CCDC141: variants seen among roughly 807,000 people sequenced by gnomAD.
CCDC141 encodes the protein coiled-coil domain containing 141, also known as coiled-coil domain-containing protein 141.
CCDC141 carries 168 observed loss-of-function variants against 181.0 expected under a neutral mutation model. That is an observed-to-expected ratio of 0.93 (90% CI 0.82 to 1.05). The LOEUF is 1.05. CCDC141 is among the 50% of genes least tolerant of loss of function. The pLI is 0.00. For synonymous variants in CCDC141, 666 were observed against 642.3 expected (o/e 1.04, Z -0.56); for missense variants, 1,902 against 1,788.5 (o/e 1.06, Z -1.14).
At chr2:178,873,836 C>T (rs1433252090) in intron 12 of CCDC141, 3 of 152,138 alleles carry the variant, frequency 2.0e-5, no homozygotes, top group Admixed American at 2.0e-4. Context: ...ATTCATGCAC[C>T]ATGAATGGTT....
intron 2 of CCDC141, among the ~76,000 whole-genome samples, chr2:178,992,447 G>A (rs1575318353): frequency 7.0e-6 from 1 of 141,876 alleles, no homozygotes; most frequent in East Asian, 2.0e-4. Context: ...TATTCTTCTT[G>A]AACAGTCCTT....
intron 2 of CCDC141, among the ~76,000 whole-genome samples, chr2:179,002,936 G>T (rs1160275209): frequency 6.6e-6 from 1 of 152,058 alleles, no homozygotes; most frequent in Non-Finnish European, 1.5e-5. Context: ...TTCTTTTTGT[G>T]AACTCAAAAT....
the CCDC141 span, among the ~76,000 whole-genome samples, chr2:178,820,754 A>G: frequency 1.3e-5 from 2 of 152,206 alleles, no homozygotes; most frequent in Non-Finnish European, 2.9e-5. Context: ...TAATAGAAAA[A>G]TAATTTGACT....
intron 2 of CCDC141, among the ~76,000 whole-genome samples, chr2:179,040,533 C>T (rs930640830): frequency 6.6e-6 from 1 of 152,122 alleles, no homozygotes; most frequent in Non-Finnish European, 1.5e-5. Flanking sequence ...CTCCCTCCTC[C>T]CACCTCCCAC....
intron 17 of CCDC141, among the ~76,000 whole-genome samples, chr2:178,864,803 A>G (rs1460392203): frequency 1.3e-5 from 2 of 152,224 alleles, no homozygotes; most frequent in African/African-American, 2.4e-5. Context: ...TGCTGGGTCT[A>G]GTTGATGTAA....
chr2:178,886,656 C>A (rs777266870), intron 10 of CCDC141, 96 bp downstream of exon 10: 6 of 774,396 alleles, frequency 7.7e-6, no homozygotes, highest in African/African-American at 1.8e-5. Flanking sequence ...GAATTGTAAA[C>A]CTCAAGTGAG....
chr2:178,864,122 G>A (rs1326069791), intron 17 of CCDC141, among the ~76,000 whole-genome samples: 1 of 152,150 alleles, frequency 6.6e-6, no homozygotes. Flanking sequence ...CTCCACTTGC[G>A]CTTTAGCAAA....
At chr2:178,901,211 A>G (rs1687671837) in intron 8 of CCDC141, among the ~76,000 whole-genome samples, 1 of 152,174 alleles carries the variant, frequency 6.6e-6, no homozygotes, top group East Asian at 1.9e-4. Context: ...TTCTGAAACT[A>G]TTCCAATCAA....
At chr2:178,815,083 C>T in the CCDC141 span, among the ~76,000 whole-genome samples, 6,834 of 152,196 alleles carry the variant, frequency 0.045, 288 homozygotes, top group Admixed American at 0.14. Flanking sequence ...CTTTAATCTT[C>T]GAACTTCAAG....
intron 12 of CCDC141, chr2:178,876,780 T>C (rs947817912): frequency 4.6e-5 from 7 of 152,224 alleles, no homozygotes; most frequent in African/African-American, 1.7e-4. Context: ...TAGGTTCAAA[T>C]TAGTTTAGCA....
At chr2:178,990,654 C>G (rs1477589079) in intron 2 of CCDC141, among the ~76,000 whole-genome samples, 1 of 151,424 alleles carries the variant, frequency 6.6e-6, no homozygotes, top group Admixed American at 6.6e-5. Flanking sequence ...CCAATACATG[C>G]TACAACATTG....
In CCDC141 at chr2:178,869,282, G is replaced by GTACT; in HGVS notation, c.2225_2228dup (p.Tyr743Ter). ...TTAACTCCTCTGATTCTTTCATAAT[G>GTACT]TACTGAACCTCATCATTCAATTGCT... On this transcript the variant is annotated stop_gained and frameshift_variant, in exon 15 of 24. Coordinates refer to ENST00000443758, the MANE Select transcript of CCDC141 (RefSeq NM_173648.4). LOFTEE classifies it high-confidence loss of function. 6.3e-7 allele frequency: 1 copy of GTACT among 1,595,932 alleles called. No homozygotes were observed. Among genetic ancestry groups the GTACT allele is most frequent in the Non-Finnish European group, 8.5e-7 (1 of 1,175,350 alleles).
At chr2:178,985,842 A>C (rs1691702771) in intron 2 of CCDC141, among the ~76,000 whole-genome samples, 2 of 152,194 alleles carry the variant, frequency 1.3e-5, no homozygotes, top group South Asian at 4.1e-4. Context: ...ACCAACCAAA[A>C]AGAGTCCAGG....
In CCDC141 at chr2:178,872,214, A is replaced by G. The variant is rs1686149403; in HGVS notation, c.1998T>C (p.Leu666=). 1 of 1,613,866 alleles carries G rather than the reference A, an allele frequency of 6.2e-7. No individual in the cohort carries two copies. Among genetic ancestry groups the G allele is most frequent in the Non-Finnish European group, 8.5e-7 (1 of 1,179,956 alleles). ...QKAEREELSL[L]RLAWQLKATE... ...TGGCTTTAAGCTGCCATGCCAGCCG[A>G]AGGAGGCTAAGTTCTTCCCGTTCTG... is the stretch of plus-strand genomic sequence containing the variant. The change falls in exon 13 of 24, where the codon CTT becomes CTC. Residue 666 remains leucine (L), a synonymous_variant. Coordinates refer to ENST00000443758, the MANE Select transcript of CCDC141 (RefSeq NM_173648.4).
intron 11 of CCDC141, among the ~76,000 whole-genome samples, chr2:178,884,240 A>G (rs1350666728): frequency 6.5e-5 from 4 of 61,916 alleles, no homozygotes; most frequent in Middle Eastern, 7.6e-3. Context: ...TAATGTGAAG[A>G]AAAAAAAAAA....
chr2:178,981,636 G>GTATATATATATATGTATATATA lies in CCDC141; in HGVS notation c.226-2962_226-2961insTATATATACATATATATATATA, dbSNP rs1553495300. Among the ~76,000 whole-genome samples the GTATATATATATATGTATATATA allele has an allele frequency of 3.2e-4, 20 of 62,396 alleles. 2 individuals carry two copies. In the East Asian group the frequency reaches 0.013, roughly 40 times the overall value. 40.9% of individuals were successfully genotyped at this position (62,396 alleles called of 152,430 possible). ...TTTGTAGCATTGAATGTGTGTGTGT[G>GTATATATATATATGTATATATA]TATATATATATATATATATATACAT... On this transcript the variant is annotated intron_variant, in intron 2 of 23. Coordinates refer to ENST00000443758, the MANE Select transcript of CCDC141 (RefSeq NM_173648.4).
chr2:178,887,372 T>C (rs777548914), intron 9 of CCDC141, among the ~76,000 whole-genome samples: 1 of 152,174 alleles, frequency 6.6e-6, no homozygotes, highest in Non-Finnish European at 1.5e-5. Flanking sequence ...GGACATTTAA[T>C]TGATGAGCTT....
At chr2:178,855,025 G>T (rs1454191605) in intron 19 of CCDC141, among the ~76,000 whole-genome samples, 1 of 152,138 alleles carries the variant, frequency 6.6e-6, no homozygotes, top group Non-Finnish European at 1.5e-5. Flanking sequence ...CAGATATCCA[G>T]CAGTGAACAT....
rs112757804 is a variant in CCDC141, at chr2:179,035,440, G to T, written c.225+11844C>A. Among the ~76,000 whole-genome samples, 1,221 of 152,208 alleles carry T rather than the reference G, an allele frequency of 8.0e-3. 19 individuals are homozygous for T. Among genetic ancestry groups the T allele is most frequent in the African/African-American group, 0.027 (1,122 of 41,538 alleles). The stretch of plus-strand genomic sequence containing the variant: ...TGCACTCTGTTCCAGTTGTGGCTGT[G>T]TAACACACCACCCCAAATTCTAGTA... On this transcript the variant is annotated intron_variant, in intron 2 of 23. Transcript: ENST00000443758.
Sources: allele counts gnomAD v4.1 joint callset (sites outside exome capture counted in the v4.1 genomes callset), GRCh38; gene constraint gnomAD v4.1.1; transcripts MANE v1.5; gene names NCBI Gene and HGNC (gene_info 2026-07-23, HGNC 2026-07-21).